Variants in PLCZ1 observed in about 807,000 individuals in gnomAD.
PLCZ1 encodes 1-phosphatidylinositol 4,5-bisphosphate phosphodiesterase zeta-1.
PLCZ1 carries 64 observed loss-of-function variants against 76.8 expected under a neutral mutation model. The observed-to-expected ratio is 0.83, with a 90% CI of 0.68 to 1.03. The LOEUF (loss-of-function observed/expected upper bound fraction) is 1.03. Among genes scored for constraint, PLCZ1 ranks in the 50% least tolerant of loss-of-function variants. PLCZ1 has a pLI of 0.00. For synonymous variants in PLCZ1, 248 were observed against 230.8 expected, an observed-to-expected ratio of 1.07 and a Z score of -0.68; for missense variants, 751 against 713.7, an observed-to-expected ratio of 1.05 and a Z score of -0.60.
At chr12:18,730,296 A>C (rs1237597777) in intron 3 of PLCZ1, among the ~76,000 whole-genome samples, 1 of 152,122 alleles carries the variant, frequency 6.6e-6, no homozygotes, top group Non-Finnish European at 1.5e-5. Context: ...AAGCAGCTTA[A>C]TCTTCAGCTA....
intron 3 of PLCZ1, among the ~76,000 whole-genome samples, chr12:18,732,326 T>C (rs1218314997): frequency 6.6e-6 from 1 of 152,072 alleles, no homozygotes; most frequent in African/African-American, 2.4e-5. Context: ...TAATTTTTTG[T>C]ACTTTTTGTA....
chr12:18,662,018 C>T, the PLCZ1 span, among the ~76,000 whole-genome samples: 1,085 of 152,096 alleles, frequency 7.1e-3, 6 homozygotes, highest in Non-Finnish European at 0.011. Flanking sequence ...AGTGAACTAA[C>T]GCAGGAACAG....
At chr12:18,701,266 T>G (rs1337976430) in intron 9 of PLCZ1, among the ~76,000 whole-genome samples, 1 of 152,146 alleles carries the variant, frequency 6.6e-6, no homozygotes, top group East Asian at 1.9e-4. Context: ...ATTACAGGCA[T>G]GAGCCACCGT....
At chr12:18,694,452 G>T (rs1378773426) in intron 12 of PLCZ1, among the ~76,000 whole-genome samples, 1 of 152,122 alleles carries the variant, frequency 6.6e-6, no homozygotes, top group Non-Finnish European at 1.5e-5. Flanking sequence ...GTAATCAAAT[G>T]ATATTCACAG....
chr12:18,683,355 A>G (rs1952616470), intron 14 of PLCZ1, 31 bp from the exon 15 acceptor site: 2 of 1,597,862 alleles, frequency 1.3e-6, no homozygotes, highest in African/African-American at 1.3e-5. Flanking sequence ...AATTAGACCA[A>G]TAACCAATTA....
At chr12:18,650,347 A>ATATGTG in the PLCZ1 span, among the ~76,000 whole-genome samples, 2 of 114,544 alleles carry the variant, frequency 1.7e-5, no homozygotes, top group Non-Finnish European at 3.7e-5. Flanking sequence ...ATATATATAT[A>ATATGTG]TGTGTGTGTG....
the PLCZ1 span, chr12:18,648,116 GTTGT>G: frequency 2.6e-6 from 2 of 757,822 alleles, no homozygotes; most frequent in Non-Finnish European, 4.0e-6. Flanking sequence ...AGGCATCTTT[GTTGT>G]CAAAGACAGC....
the PLCZ1 span, among the ~76,000 whole-genome samples, chr12:18,658,512 C>T: frequency 0.013 from 2,039 of 151,908 alleles, 59 homozygotes; most frequent in African/African-American, 0.047. Flanking sequence ...ACCATGGAGG[C>T]CAGACATATG....
the PLCZ1 span, among the ~76,000 whole-genome samples, chr12:18,665,636 T>C: frequency 1.3e-5 from 2 of 151,766 alleles, no homozygotes; most frequent in South Asian, 4.2e-4. Flanking sequence ...GTACTGAAAA[T>C]ACAAAAATTA....
Position 18,685,328 on chromosome 12 carries a change from G to T in PLCZ1, c.1592-1049C>A, listed in dbSNP as rs1308261237. Among the ~76,000 whole-genome samples the T allele has an allele frequency of 2.0e-5, 3 of 151,960 alleles. No individual in the cohort carries two copies. The East Asian group carries it at 5.8e-4, about 29-fold the overall frequency. ...CAGTATGACCCAAATCATCCAAAAA[G>T]TAAAGCGTAATTTAACAGAATCAAG... is the stretch of plus-strand genomic sequence containing the variant. On this transcript the variant is annotated intron_variant, in intron 13 of 14. Coordinates refer to ENST00000266505, the MANE Select transcript of PLCZ1 (RefSeq NM_033123.4).
the PLCZ1 span, among the ~76,000 whole-genome samples, chr12:18,646,922 T>C: frequency 6.6e-6 from 1 of 151,038 alleles, no homozygotes; most frequent in Non-Finnish European, 1.5e-5. Flanking sequence ...AAAAAAAAAG[T>C]CACAAAAAAA....
At chr12:18,672,733 G>C in the PLCZ1 span, among the ~76,000 whole-genome samples, 1 of 152,116 alleles carries the variant, frequency 6.6e-6, no homozygotes. Flanking sequence ...GAAAATTGAG[G>C]AATAGATGCC....
chr12:18,666,532 T>G, the PLCZ1 span, among the ~76,000 whole-genome samples: 1 of 152,018 alleles, frequency 6.6e-6, no homozygotes, highest in African/African-American at 2.4e-5. Context: ...ATAAAACAAT[T>G]ATAAATATAT....
chr12:18,735,510 G>T (rs1171048930), intron 3 of PLCZ1, among the ~76,000 whole-genome samples: 1 of 152,098 alleles, frequency 6.6e-6, no homozygotes, highest in East Asian at 1.9e-4. Context: ...AAAGCATTGG[G>T]ATTACAGGTA....
At chr12:18,696,824 G>A (rs1347504600) in intron 10 of PLCZ1, among the ~76,000 whole-genome samples, 1 of 151,928 alleles carries the variant, frequency 6.6e-6, no homozygotes, top group Non-Finnish European at 1.5e-5. Flanking sequence ...TTCCCCCAAA[G>A]TTTATTCAAT....
At chr12:18,700,332 CTA>C (rs895655446) in intron 9 of PLCZ1, among the ~76,000 whole-genome samples, 8 of 151,776 alleles carry the variant, frequency 5.3e-5, no homozygotes, top group Non-Finnish European at 1.0e-4. Flanking sequence ...AACCTGGCAT[CTA>C]TTTCTTTTAC....
intron 13 of PLCZ1, among the ~76,000 whole-genome samples, chr12:18,685,100 C>T (rs945519159): frequency 2.0e-5 from 3 of 152,014 alleles, no homozygotes; most frequent in South Asian, 4.1e-4. Flanking sequence ...TGAAAATGGA[C>T]TAATACAGTC....
intron 3 of PLCZ1, among the ~76,000 whole-genome samples, chr12:18,730,493 G>A (rs950926878): frequency 1.3e-5 from 2 of 151,938 alleles, no homozygotes; most frequent in African/African-American, 2.4e-5. Flanking sequence ...TGCTTCTAAA[G>A]TACTTACAGT....
intron 4 of PLCZ1, among the ~76,000 whole-genome samples, chr12:18,720,853 A>ATG (rs1958398460): frequency 6.6e-6 from 1 of 152,124 alleles, no homozygotes; most frequent in Non-Finnish European, 1.5e-5. Context: ...TACAATACTA[A>ATG]GCAGCCATTA....
Sources: gnomAD v4.1 joint callset for allele counts (sites outside exome capture counted in the v4.1 genomes callset) on GRCh38, gnomAD v4.1.1 for gene constraint, MANE v1.5 for transcripts, NCBI Gene and HGNC (gene_info 2026-07-23, HGNC 2026-07-21) for gene names.